The following BORA variants were observed in gnomAD, a reference collection of about 807,000 sequenced individuals.
BORA encodes protein aurora borealis.
A neutral mutation model predicts 55.8 loss-of-function variants in BORA; 26 were observed. The ratio of observed to expected loss-of-function variants is 0.47; its 90% confidence interval spans 0.34 to 0.65. The LOEUF (loss-of-function observed/expected upper bound fraction) is 0.65. BORA is among the 30% of genes least tolerant of loss of function. The pLI, the probability that BORA is intolerant of heterozygous loss-of-function variation, is 0.01. For missense variants in BORA, 568 were observed against 671.5 expected, an observed-to-expected ratio of 0.85 and a Z score of 1.70; for synonymous variants, 201 against 216.9, an observed-to-expected ratio of 0.93 and a Z score of 0.64.
chr13:72,741,848 G>A (rs1237523690), intron 5 of BORA, among the ~76,000 whole-genome samples: 1 of 152,178 alleles, frequency 6.6e-6, no homozygotes, highest in Non-Finnish European at 1.5e-5. Flanking sequence ...AGGGAGGAGA[G>A]AGCATAAGAT....
Position 72,743,446 on chromosome 13 carries a change from C to A in BORA, c.389-91C>A, listed in dbSNP as rs574007178. On this transcript the variant is annotated intron_variant, in intron 5 of 11. Coordinates refer to ENST00000390667, the MANE Select transcript of BORA (RefSeq NM_024808.5). ...TTTTTTAATGTTGCAAAATAAGTTT[C>A]CACTTTCTTAATTTTTTACTTTGGA... The A allele has an allele frequency of 4.1e-5, 34 of 819,716 alleles. No homozygotes were observed. The South Asian group carries it at 8.7e-4, about 21-fold the overall frequency. 50.8% of individuals were successfully genotyped at this position (819,716 alleles called of 1,614,324 possible). A position where few individuals can be genotyped will look rare whatever the true frequency, so the allele number is the denominator to read the frequency against.
Position 72,729,092 on chromosome 13 carries a change from C to T in BORA, c.152C>T (p.Pro51Leu). The change falls in exon 2 of 12, where the codon CCA becomes CTA. Residue 51 changes from proline (P) to leucine (L), a missense_variant and splice_region_variant. Coordinates refer to ENST00000390667, the MANE Select transcript of BORA (RefSeq NM_024808.5). Reference sequence around the variant, plus strand: ...TCTGTTTTTAAATCAACAAAATTACCAGTAAGTTATTCCTGACTAGTGTTT... The same window carrying T: ...TCTGTTTTTAAATCAACAAAATTACTAGTAAGTTATTCCTGACTAGTGTTT... Reference protein sequence around the residue: ...SPSVFKSTKLPTPGKFRWSID... With the variant: ...SPSVFKSTKLLTPGKFRWSID... 1.9e-6 allele frequency: 3 copies of T among 1,550,472 alleles called. No individual in the cohort carries two copies. The highest frequency in any genetic ancestry group is 2.6e-6 in the Non-Finnish European group (3 of 1,154,162).
At chr13:72,745,350 G>A (rs1007329970) in intron 8 of BORA, 143 bp downstream of exon 8, 6 of 689,446 alleles carry the variant, frequency 8.7e-6, no homozygotes, top group African/African-American at 7.2e-5. Flanking sequence ...AGAGGGATGA[G>A]GAAGGGCCTT....
At chr13:72,730,720 T>C (rs2032793137) in intron 2 of BORA, among the ~76,000 whole-genome samples, 1 of 152,114 alleles carries the variant, frequency 6.6e-6, no homozygotes, top group Admixed American at 6.5e-5. Flanking sequence ...GTGATTTTTC[T>C]CGTATTACGT....
At chr13:72,729,164 AC>A in intron 2 of BORA, 71 bp downstream of exon 2, 1 of 1,270,180 alleles carries the variant, frequency 7.9e-7, no homozygotes, top group Non-Finnish European at 1.1e-6. Flanking sequence ...TTAAATGTAA[AC>A]ATCTGTCTTT....
At chr13:72,742,753 G>GATATATAT (rs1221248624) in intron 5 of BORA, among the ~76,000 whole-genome samples, 1 of 140,568 alleles carries the variant, frequency 7.1e-6, no homozygotes, top group African/African-American at 2.7e-5. Context: ...TTTAAAATGT[G>GATATATAT]ATATATATAT....
chr13:72,739,095 T>C (rs772455993), intron 5 of BORA, among the ~76,000 whole-genome samples: 56 of 152,334 alleles, frequency 3.7e-4, no homozygotes, highest in Admixed American at 7.2e-4. Context: ...CTCAGTCTTT[T>C]ATTTGTGAAA....
intron 5 of BORA, among the ~76,000 whole-genome samples, chr13:72,742,107 C>T (rs1465090764): frequency 6.6e-6 from 1 of 152,086 alleles, no homozygotes; most frequent in Non-Finnish European, 1.5e-5. Context: ...CCAAAATTTT[C>T]TTTATTTACC....
At chr13:72,753,609 A>G in intron 10 of BORA, 81 bp from the exon 11 acceptor site, 2 of 1,387,974 alleles carry the variant, frequency 1.4e-6, no homozygotes, top group Non-Finnish European at 2.0e-6. Flanking sequence ...GTAGTGAATG[A>G]GAGTTTATAG....
chr13:72,741,335 T>C (rs1009228816), intron 5 of BORA, among the ~76,000 whole-genome samples: 7 of 152,216 alleles, frequency 4.6e-5, no homozygotes, highest in Non-Finnish European at 8.8e-5. Flanking sequence ...GCCTTTCCTA[T>C]AGGTTATTTG....
intron 4 of BORA, 21 bp downstream of exon 4, chr13:72,735,026 T>C (rs772472667): frequency 1.3e-6 from 2 of 1,563,786 alleles, no homozygotes; most frequent in Non-Finnish European, 8.8e-7. Flanking sequence ...CTGTTACTGA[T>C]CATTAAATCA....
chr13:72,745,132 A>C lies in BORA; in HGVS notation c.663A>C (p.Gln221His), dbSNP rs1329372748. Residue 221 changes from glutamine to histidine, a missense_variant, in exon 8 of 12, where the codon CAA becomes CAC. Physicochemically the swap from Gln to His is conservative, Grantham distance 24. Coordinates refer to ENST00000390667, the MANE Select transcript of BORA (RefSeq NM_024808.5). ...ASPGSPHSGVQTSLEMFYSID... is the reference protein window; with the variant it reads ...ASPGSPHSGVHTSLEMFYSID... ...CCGGAAGTCCTCACAGTGGTGTTCA[A>C]ACATCACTAGAGATGTTTTATTCAA... The C allele has an allele frequency of 1.9e-6, 3 of 1,614,138 alleles. No individual in the cohort carries two copies. Among genetic ancestry groups the C allele is most frequent in the Non-Finnish European group, 2.5e-6 (3 of 1,179,978 alleles).
intron 7 of BORA, 29 bp downstream of exon 7, chr13:72,744,590 A>T: frequency 6.5e-7 from 1 of 1,536,142 alleles, no homozygotes; most frequent in South Asian, 1.2e-5. Flanking sequence ...TAAACTTTTA[A>T]TAACTTGAAC....
intron 1 of BORA, 180 bp downstream of exon 1, chr13:72,728,187 C>T (rs1404536865): frequency 1.2e-6 from 1 of 841,218 alleles, no homozygotes; most frequent in South Asian, 1.4e-5. Context: ...ACGCCTCCTT[C>T]GCACTCCATC....
intron 4 of BORA, among the ~76,000 whole-genome samples, chr13:72,736,899 A>T (rs2032940315): frequency 6.8e-6 from 1 of 148,030 alleles, no homozygotes; most frequent in Non-Finnish European, 1.5e-5. Context: ...TTTACTTTTG[A>T]GTGAACTTAT....
Position 72,755,773 on chromosome 13 carries a change from C to G in BORA, c.*557C>G. ...ATTCTTAGTTCCAGTGATAACTGTT[C>G]TAGTTACTACTTTTAAGTATGTAAA... On this transcript the variant is annotated 3_prime_UTR_variant, in exon 12 of 12. Transcript: ENST00000390667. 2.5e-6 allele frequency: 1 copy of G among 397,800 alleles called. No individual in the cohort carries two copies. The highest frequency in any genetic ancestry group is 4.4e-6 in the Non-Finnish European group (1 of 225,948). The allele number at this position is 397,800 out of a possible 1,614,324, so 24.6% of individuals were successfully genotyped here. A position where few individuals can be genotyped will look rare whatever the true frequency, so the allele number is the denominator to read the frequency against.
intron 10 of BORA, among the ~76,000 whole-genome samples, chr13:72,749,266 T>TC (rs1268788635): frequency 2.0e-5 from 3 of 152,180 alleles, no homozygotes; most frequent in Non-Finnish European, 4.4e-5. Flanking sequence ...TCTCTTTTTA[T>TC]CCCCAACTCC....
chr13:72,743,214 G>A (rs1863964573), intron 5 of BORA, among the ~76,000 whole-genome samples: 1 of 152,226 alleles, frequency 6.6e-6, no homozygotes, highest in East Asian at 1.9e-4. Flanking sequence ...TAATTAGCTT[G>A]ATTTGCTCTT....
chr13:72,729,013 T>G lies in BORA; in HGVS notation c.73T>G (p.Phe25Val), dbSNP rs755960713. 6.2e-7 allele frequency: 1 copy of G among 1,609,428 alleles called. No homozygotes were observed. The highest frequency in any genetic ancestry group is 1.1e-5 in the South Asian group (1 of 89,906). Residue 25 changes from phenylalanine (F) to valine (V), a missense_variant, in exon 2 of 12, where the codon TTT becomes GTT. Phe to Val is a conservative substitution (Grantham distance 50, BLOSUM62 -1). Coordinates refer to ENST00000390667, the MANE Select transcript of BORA (RefSeq NM_024808.5). ...AGGAAGGATCCCTGTTTTAAATCCT[T>G]TTGAAAGTCCTAGTGATTATTCTAA... ...TPGRIPVLNP[F>V]ESPSDYSNLH...
Sources: allele counts gnomAD v4.1 joint callset (sites outside exome capture counted in the v4.1 genomes callset), GRCh38; gene constraint gnomAD v4.1.1; transcripts MANE v1.5; gene names NCBI Gene and HGNC (gene_info 2026-07-23, HGNC 2026-07-21).